Variants in CUL2 observed in about 807,000 individuals in gnomAD.
The protein encoded by CUL2 is cullin-2.
CUL2 carries 22 observed loss-of-function variants against 110.2 expected under a neutral mutation model. The observed-to-expected ratio is 0.20, with a 90% CI of 0.14 to 0.28. The LOEUF is 0.28. CUL2 is among the 10% of genes least tolerant of loss of function. The pLI is 1.00. For missense variants in CUL2, 631 were observed against 905.5 expected (o/e 0.70, Z 3.89); for synonymous variants, 279 against 293.2 (o/e 0.95, Z 0.49).
chr10:35,022,839 G>A (rs758018494), intron 17 of CUL2, among the ~76,000 whole-genome samples: 5 of 152,146 alleles, frequency 3.3e-5, no homozygotes, highest in Admixed American at 6.5e-5. Flanking sequence ...GAGGTCAGGC[G>A]TTCGAGACCA....
intron 1 of CUL2, among the ~76,000 whole-genome samples, chr10:35,104,982 G>A (rs552424588): frequency 7.9e-5 from 12 of 151,772 alleles, no homozygotes; most frequent in African/African-American, 2.9e-4. Flanking sequence ...ACCCGCCTGG[G>A]CCTCCCAATG....
chr10:35,066,416 A>G (rs529502129), intron 2 of CUL2, among the ~76,000 whole-genome samples: 1 of 152,018 alleles, frequency 6.6e-6, no homozygotes, highest in African/African-American at 2.4e-5. Flanking sequence ...TATCCTGCCT[A>G]CCTCCTGAGT....
At position 35,071,256 on chromosome 10, in the gene CUL2, A is replaced by G. The variant is rs2086670118; in HGVS notation, c.62T>C (p.Ile21Thr). Residue 21 changes from isoleucine to threonine, a missense_variant, in exon 2 of 21, where the codon ATA becomes ACA. Physicochemically the swap from Ile to Thr is moderately conservative, Grantham distance 89. Coordinates refer to ENST00000374749, the MANE Select transcript of CUL2 (RefSeq NM_003591.4). ...DETWNKLLTT[I>T]KAVVMLEYVE... ...GTATTCCAACATGACCACGGCTTTT[A>G]TTGTCGTCAAAAGTTTGTTCCATGT... is the stretch of plus-strand genomic sequence containing the variant. 6.2e-7 allele frequency: 1 copy of G among 1,613,970 alleles called. No individual in the cohort carries two copies. Among genetic ancestry groups the G allele is most frequent in the African/African-American group, 1.3e-5 (1 of 74,922 alleles).
chr10:35,108,301 G>C (rs1356520992), intron 1 of CUL2, among the ~76,000 whole-genome samples: 1 of 151,486 alleles, frequency 6.6e-6, no homozygotes, highest in African/African-American at 2.4e-5. Context: ...CAAAAAAATA[G>C]AAAAAATTAG....
chr10:35,111,366 C>A (rs1320025863), intron 1 of CUL2, among the ~76,000 whole-genome samples: 1 of 151,548 alleles, frequency 6.6e-6, no homozygotes, highest in African/African-American at 2.4e-5. Flanking sequence ...CTTCTCCTGT[C>A]CTAGCTTCCC....
At chr10:35,013,588 C>T (rs2084956138) in intron 19 of CUL2, 111 bp downstream of exon 19, 3 of 645,270 alleles carry the variant, frequency 4.6e-6, no homozygotes, top group Non-Finnish European at 7.8e-6. Flanking sequence ...AGACATATCC[C>T]ATTATTAATT....
intron 1 of CUL2, among the ~76,000 whole-genome samples, chr10:35,086,132 G>A (rs1029457185): frequency 3.3e-5 from 5 of 151,986 alleles, no homozygotes; most frequent in African/African-American, 1.2e-4. Context: ...TCGGGAAGTG[G>A]AGGCTGCAGT....
Position 35,028,895 on chromosome 10 carries a change from G to A in CUL2, c.1540-8C>T, listed in dbSNP as rs1192114697. The A allele has an allele frequency of 9.0e-6, 14 of 1,561,414 alleles. No homozygotes were observed. Among genetic ancestry groups the A allele is most frequent in the Admixed American group, 1.8e-5 (1 of 54,320 alleles). ...AAGAGGCCACGCACCAGCCTAGAAG[G>A]AAAAAAATAAAATAAAATAAGCTAA... On this transcript the variant is annotated splice_region_variant and splice_polypyrimidine_tract_variant and intron_variant, in intron 15 of 20. Coordinates refer to ENST00000374749, the MANE Select transcript of CUL2 (RefSeq NM_003591.4).
intron 10 of CUL2, among the ~76,000 whole-genome samples, chr10:35,034,667 T>C (rs1415209417): frequency 1.3e-5 from 2 of 152,190 alleles, no homozygotes; most frequent in African/African-American, 4.8e-5. Context: ...GGCAAAGTAT[T>C]CGAGAAAGAT....
chr10:35,079,628 A>C (rs150577768), intron 1 of CUL2: 2 of 153,940 alleles, frequency 1.3e-5, no homozygotes, highest in Non-Finnish European at 2.9e-5. Flanking sequence ...CTTTCTTCAC[A>C]ATTTCTTTTC....
chr10:35,115,790 G>A (rs1411985496), intron 1 of CUL2, among the ~76,000 whole-genome samples: 7 of 152,022 alleles, frequency 4.6e-5, no homozygotes, highest in African/African-American at 1.7e-4. Flanking sequence ...CTACTAGGGG[G>A]ACTGAGGCAG....
intron 1 of CUL2, among the ~76,000 whole-genome samples, chr10:35,076,159 T>C (rs1321900821): frequency 1.3e-5 from 2 of 152,150 alleles, no homozygotes; most frequent in Non-Finnish European, 2.9e-5. Flanking sequence ...ACTAAGTGAA[T>C]GAAGAGGGCC....
chr10:35,030,574 G>A (rs1365673336), intron 14 of CUL2, among the ~76,000 whole-genome samples: 1 of 152,026 alleles, frequency 6.6e-6, no homozygotes, highest in Non-Finnish European at 1.5e-5. Flanking sequence ...GTAGAGACAG[G>A]GTTTTGCCAT....
intron 1 of CUL2, among the ~76,000 whole-genome samples, chr10:35,075,862 T>C (rs2086806377): frequency 6.6e-6 from 1 of 152,102 alleles, no homozygotes; most frequent in Non-Finnish European, 1.5e-5. Context: ...TCAATAATAA[T>C]TACAAAAGTG....
At chr10:35,023,354 T>C (rs551702591) in intron 17 of CUL2, among the ~76,000 whole-genome samples, 88 of 152,230 alleles carry the variant, frequency 5.8e-4, no homozygotes, top group African/African-American at 1.8e-3. Flanking sequence ...AGGTTCTCTT[T>C]CCAAAGGAAG....
At chr10:35,113,729 C>A (rs555560190) in intron 1 of CUL2, among the ~76,000 whole-genome samples, 1 of 150,698 alleles carries the variant, frequency 6.6e-6, no homozygotes, top group Non-Finnish European at 1.5e-5. Context: ...TTTTTTGAGA[C>A]GGAGTTTCGC....
chr10:35,101,502 C>T (rs2087376771), intron 1 of CUL2, among the ~76,000 whole-genome samples: 2 of 152,188 alleles, frequency 1.3e-5, no homozygotes, highest in African/African-American at 4.8e-5. Flanking sequence ...CTGGAAGCTA[C>T]AATGAAGACT....
Position 35,033,196 on chromosome 10 carries a change from A to G in CUL2, c.1080T>C (p.Gly360=), listed in dbSNP as rs1290963595. 6.2e-7 allele frequency: 1 copy of G among 1,613,432 alleles called. No homozygotes were observed. The highest frequency in any genetic ancestry group is 1.3e-5 in the African/African-American group (1 of 74,912). ...CCAACGCACTCATAAAATGCTGATCACCATTCAAAACAGTGTTGATAAGCT... is the reference window on the plus strand; with the variant it reads ...CCAACGCACTCATAAAATGCTGATCGCCATTCAAAACAGTGTTGATAAGCT... ...FVQLINTVLN[G]DQHFMSALDK... Residue 360 remains glycine (G), a synonymous_variant, in exon 11 of 21, where the codon GGT becomes GGC. Transcript: ENST00000374749.
intron 1 of CUL2, among the ~76,000 whole-genome samples, chr10:35,123,681 T>C (rs761037764): frequency 2.6e-5 from 4 of 152,068 alleles, no homozygotes; most frequent in Non-Finnish European, 5.9e-5. Context: ...GCCATTAACA[T>C]TGCTAAAACA....
Sources: allele counts gnomAD v4.1 joint callset (sites outside exome capture counted in the v4.1 genomes callset), GRCh38; gene constraint gnomAD v4.1.1; transcripts MANE v1.5; gene names NCBI Gene and HGNC (gene_info 2026-07-23, HGNC 2026-07-21).